The following ADGRL3 variants were observed in gnomAD, a reference collection of about 807,000 sequenced individuals.
ADGRL3 encodes calcium-independent alpha-latrotoxin receptor 3.
Under a neutral mutation model 153.5 loss-of-function variants are expected in ADGRL3, and 62 were observed. The ratio of observed to expected loss-of-function variants is 0.40; its 90% confidence interval spans 0.33 to 0.50. ADGRL3 has a LOEUF of 0.50. ADGRL3 is among the 20% of genes least tolerant of loss of function. ADGRL3 has a pLI of 0.47. For synonymous variants in ADGRL3, 710 were observed against 672.5 expected, an observed-to-expected ratio of 1.06 and a Z score of -0.86; for missense variants, 1,641 against 1,859.4, an observed-to-expected ratio of 0.88 and a Z score of 2.16.
chr4:61,819,845 A>G (rs964385818), intron 9 of ADGRL3, among the ~76,000 whole-genome samples: 3 of 152,106 alleles, frequency 2.0e-5, no homozygotes, highest in Admixed American at 6.5e-5. Flanking sequence ...GTTTGAGACA[A>G]TAAAGTAATT....
chr4:61,646,807 A>C (rs2094010675), intron 5 of ADGRL3, among the ~76,000 whole-genome samples: 1 of 152,156 alleles, frequency 6.6e-6, no homozygotes, highest in Non-Finnish European at 1.5e-5. Context: ...GGCTCCACCC[A>C]GTTTGAGCTT....
chr4:61,504,809 A>T (rs936093305), intron 3 of ADGRL3, among the ~76,000 whole-genome samples: 1 of 152,120 alleles, frequency 6.6e-6, no homozygotes, highest in Non-Finnish European at 1.5e-5. Context: ...TTATAGCTGG[A>T]TAAATTTCAT....
chr4:61,757,352 G>A (rs1223312723), intron 8 of ADGRL3, among the ~76,000 whole-genome samples: 8 of 151,972 alleles, frequency 5.3e-5, no homozygotes, highest in Non-Finnish European at 8.8e-5. Context: ...GTCTTGGGAG[G>A]GTGTATGTGT....
chr4:61,227,355 A>G (rs1748462828), intron 1 of ADGRL3, among the ~76,000 whole-genome samples: 1 of 152,032 alleles, frequency 6.6e-6, no homozygotes, highest in African/African-American at 2.4e-5. Context: ...GTAGGTGTGC[A>G]CCACCATGAC....
rs550607467 is a variant in ADGRL3, at chr4:61,967,620, A to G, written c.2806-11943A>G. Among the ~76,000 whole-genome samples the G allele has an allele frequency of 7.2e-5, 11 of 152,306 alleles. No individual in the cohort carries two copies. In the East Asian group the frequency reaches 1.9e-3, roughly 27 times the overall value. ...AAATACCCATCCACTTTTTATGTACATGCTTATTTTGGTAGACCAGCTGCC... is the reference window on the plus strand; with the variant it reads ...AAATACCCATCCACTTTTTATGTACGTGCTTATTTTGGTAGACCAGCTGCC... On this transcript the variant is annotated intron_variant, in intron 17 of 26. Transcript: ENST00000683033.
chr4:61,460,794 C>T (rs185306716), intron 2 of ADGRL3, among the ~76,000 whole-genome samples: 1 of 152,076 alleles, frequency 6.6e-6, no homozygotes, highest in Admixed American at 6.6e-5. Context: ...ATCGGCCAGG[C>T]GCAGTGGCTC....
At chr4:61,993,240 T>G (rs1469305798) in intron 19 of ADGRL3, among the ~76,000 whole-genome samples, 2 of 150,086 alleles carry the variant, frequency 1.3e-5, no homozygotes, top group Non-Finnish European at 3.0e-5. Context: ...TTTGGTTTTG[T>G]CCTTCATTGT....
chr4:61,818,419 C>T (rs556965624), intron 9 of ADGRL3, among the ~76,000 whole-genome samples: 81 of 152,300 alleles, frequency 5.3e-4, no homozygotes, highest in Non-Finnish European at 9.6e-4. Flanking sequence ...TGGCATTGAG[C>T]ATCTGCAGCT....
At chr4:61,702,942 C>A (rs2151332800) in intron 6 of ADGRL3, among the ~76,000 whole-genome samples, 1 of 152,210 alleles carries the variant, frequency 6.6e-6, no homozygotes, top group Non-Finnish European at 1.5e-5. Context: ...ATTCCATCTT[C>A]ATTCTTAAGT....
Position 61,546,680 on chromosome 4 carries a change from A to G in ADGRL3, c.259+29162A>G, listed in dbSNP as rs553265013. 8.5e-5 allele frequency among the ~76,000 whole-genome samples: 13 copies of G among 152,310 alleles called. 1 individual carries two copies. The highest frequency in any genetic ancestry group is 2.9e-4 in the African/African-American group (12 of 41,574). ...TACACCATAGAAATGGGCAAATATT[A>G]CAAAATAGGGTTTCATTTGATGATT... On this transcript the variant is annotated intron_variant, in intron 4 of 26. Coordinates refer to ENST00000683033, the MANE Select transcript of ADGRL3 (RefSeq NM_001387552.1).
intron 25 of ADGRL3, among the ~76,000 whole-genome samples, chr4:62,058,820 G>A (rs1738485629): frequency 6.6e-6 from 1 of 152,110 alleles, no homozygotes; most frequent in Admixed American, 6.6e-5. Flanking sequence ...GGAAGAGACA[G>A]GGCAGACAGA....
At chr4:62,018,058 A>T (rs2099221344) in intron 21 of ADGRL3, among the ~76,000 whole-genome samples, 1 of 152,112 alleles carries the variant, frequency 6.6e-6, no homozygotes, top group Non-Finnish European at 1.5e-5. Flanking sequence ...AAGAATATAG[A>T]TTCCTGAAAA....
At chr4:61,276,692 C>T (rs2093476274) in intron 1 of ADGRL3, among the ~76,000 whole-genome samples, 1 of 151,918 alleles carries the variant, frequency 6.6e-6, no homozygotes, top group African/African-American at 2.4e-5. Context: ...ACAGTCTTCC[C>T]ATTTTGTTTT....
At chr4:61,924,057 C>T (rs534224083) in intron 13 of ADGRL3, among the ~76,000 whole-genome samples, 3 of 152,236 alleles carry the variant, frequency 2.0e-5, no homozygotes, top group Non-Finnish European at 4.4e-5. Flanking sequence ...AAATTCACCT[C>T]CTGAGGCTTG....
At chr4:61,852,980 CCTT>C (rs1230663235) in intron 9 of ADGRL3, among the ~76,000 whole-genome samples, 4 of 151,926 alleles carry the variant, frequency 2.6e-5, no homozygotes, top group Non-Finnish European at 5.9e-5. Context: ...GGTAGTTTAT[CCTT>C]CTTTCCATGC....
intron 4 of ADGRL3, among the ~76,000 whole-genome samples, chr4:61,549,078 T>G (rs2148773222): frequency 6.6e-6 from 1 of 152,198 alleles, no homozygotes; most frequent in South Asian, 2.1e-4. Flanking sequence ...TATTTCTAGA[T>G]ATTTTATTCT....
intron 1 of ADGRL3, among the ~76,000 whole-genome samples, chr4:61,250,338 G>C (rs1429455555): frequency 6.6e-6 from 1 of 152,164 alleles, no homozygotes; most frequent in African/African-American, 2.4e-5. Context: ...TCTTGTTAAA[G>C]GAGGAGTTGG....
chr4:61,660,144 GC>G (rs2094553452), intron 5 of ADGRL3, among the ~76,000 whole-genome samples: 3 of 152,114 alleles, frequency 2.0e-5, no homozygotes, highest in African/African-American at 7.2e-5. Context: ...AATGTGTGAG[GC>G]TTTTTAACGT....
rs558852082 is a variant in ADGRL3, at chr4:61,600,031, G to A, written c.473+12591G>A. 5.8e-4 allele frequency among the ~76,000 whole-genome samples: 88 copies of A among 152,154 alleles called. 2 individuals carry two copies. The South Asian group carries it at 0.018, about 31-fold the overall frequency. On this transcript the variant is annotated intron_variant, in intron 5 of 26. Coordinates refer to ENST00000683033, the MANE Select transcript of ADGRL3 (RefSeq NM_001387552.1). ...TTTCTAATTAAAAGAGGAAATGGGC[G>A]AGGCGTGGTGGCTCACGCCTGTAAT...
Sources: gnomAD v4.1 joint callset for allele counts (sites outside exome capture counted in the v4.1 genomes callset) on GRCh38, gnomAD v4.1.1 for gene constraint, MANE v1.5 for transcripts, NCBI Gene and HGNC (gene_info 2026-07-23, HGNC 2026-07-21) for gene names.